EPC2: variants seen among roughly 807,000 people sequenced by gnomAD.
EPC2 encodes enhancer of polycomb 2, also known as enhancer of polycomb homolog 2.
A neutral mutation model predicts 92.1 loss-of-function variants in EPC2; 14 were observed. The observed-to-expected ratio is 0.15, with a 90% CI of 0.10 to 0.24. The LOEUF (loss-of-function observed/expected upper bound fraction) is 0.24. EPC2 is among the 10% of genes least tolerant of loss of function. The pLI is 1.00. For missense variants in EPC2, 755 were observed against 971.5 expected, an observed-to-expected ratio of 0.78 and a Z score of 2.96; for synonymous variants, 340 against 334.7, an observed-to-expected ratio of 1.02 and a Z score of -0.17.
chr2:148,657,313 G>A (rs1249750870), intron 1 of EPC2, among the ~76,000 whole-genome samples: 1 of 152,130 alleles, frequency 6.6e-6, no homozygotes, highest in Non-Finnish European at 1.5e-5. Context: ...CATTATAGGT[G>A]CTTGGTCAGT....
intron 3 of EPC2, among the ~76,000 whole-genome samples, chr2:148,750,234 A>G (rs1048657667): frequency 1.3e-5 from 2 of 152,126 alleles, no homozygotes; most frequent in Admixed American, 6.6e-5. Flanking sequence ...AAATCCTTCT[A>G]AAATAGTCAT....
chr2:148,650,426 C>T (rs932310285), intron 1 of EPC2, among the ~76,000 whole-genome samples: 3 of 152,124 alleles, frequency 2.0e-5, no homozygotes, highest in Non-Finnish European at 2.9e-5. Context: ...AATATAGAAT[C>T]TTTTCACACG....
At chr2:148,693,020 G>A (rs1681673660) in intron 2 of EPC2, among the ~76,000 whole-genome samples, 1 of 151,950 alleles carries the variant, frequency 6.6e-6, no homozygotes, top group African/African-American at 2.4e-5. Context: ...ATTTTTATAT[G>A]TAGTCATTTA....
In EPC2 at chr2:148,647,887, C is replaced by T. The variant is rs376809460; in HGVS notation, c.153+2717C>T. Reference sequence around the variant, plus strand: ...ACTCTTGCTCCACCTGCCTCGGCCTCCCGAAGTGCTGGGATTGCAGGCGTG... The same window carrying T: ...ACTCTTGCTCCACCTGCCTCGGCCTTCCGAAGTGCTGGGATTGCAGGCGTG... On this transcript the variant is annotated intron_variant, in intron 1 of 13. Transcript: ENST00000258484. Among the ~76,000 whole-genome samples, 8 of 152,288 alleles carry T rather than the reference C, an allele frequency of 5.3e-5. No individual in the cohort carries two copies. In the East Asian group the frequency reaches 7.7e-4, roughly 15 times the overall value.
intron 2 of EPC2, among the ~76,000 whole-genome samples, chr2:148,693,197 T>G (rs1297954487): frequency 2.0e-5 from 3 of 152,216 alleles, no homozygotes; most frequent in Non-Finnish European, 4.4e-5. Context: ...TTCAGAAAAT[T>G]TCACTCTGGA....
chr2:148,651,592 G>A (rs1680686572), intron 1 of EPC2, among the ~76,000 whole-genome samples: 1 of 152,154 alleles, frequency 6.6e-6, no homozygotes, highest in African/African-American at 2.4e-5. Flanking sequence ...GACCACTGAA[G>A]TATGATTCTG....
chr2:148,784,718 G>C lies in EPC2; in HGVS notation c.2068G>C (p.Gly690Arg). ...CAATATGGCTTTATCATCCAGCCCA[G>C]GGATTTCAGCTGTACAGCTTGTAAG... ...STNMALSSSP[G>R]ISAVQLVRTV... The change falls in exon 13 of 14, where the codon GGG becomes CGG. Residue 690 changes from glycine to arginine, a missense_variant. Gly to Arg is a moderately radical substitution (Grantham distance 125). Transcript: ENST00000258484. The C allele has an allele frequency of 6.2e-7, 1 of 1,613,460 alleles. No homozygotes were observed. The highest frequency in any genetic ancestry group is 8.5e-7 in the Non-Finnish European group (1 of 1,179,666).
At chr2:148,679,253 T>C (rs956205326) in intron 1 of EPC2, among the ~76,000 whole-genome samples, 1 of 152,212 alleles carries the variant, frequency 6.6e-6, no homozygotes, top group African/African-American at 2.4e-5. Flanking sequence ...ATCTTTATAC[T>C]AACACTCTTC....
intron 2 of EPC2, among the ~76,000 whole-genome samples, chr2:148,725,384 C>T (rs1558821233): frequency 6.6e-6 from 1 of 152,020 alleles, no homozygotes; most frequent in Non-Finnish European, 1.5e-5. Flanking sequence ...CTGTCAGCCT[C>T]TCTTTCTCCT....
intron 1 of EPC2, among the ~76,000 whole-genome samples, chr2:148,659,613 C>T (rs1289006314): frequency 6.6e-6 from 1 of 152,040 alleles, no homozygotes; most frequent in Non-Finnish European, 1.5e-5. Flanking sequence ...TGACTAGGCA[C>T]TCTGGCTTAT....
chr2:148,656,794 A>G (rs959408464), intron 1 of EPC2, among the ~76,000 whole-genome samples: 1 of 152,256 alleles, frequency 6.6e-6, no homozygotes. Context: ...GTAGGAGAGA[A>G]AGGAGTTTTA....
At chr2:148,665,328 A>G (rs1349015927) in intron 1 of EPC2, among the ~76,000 whole-genome samples, 1 of 152,236 alleles carries the variant, frequency 6.6e-6, no homozygotes, top group Non-Finnish European at 1.5e-5. Flanking sequence ...TAATGTTTTT[A>G]AAAGTCAAAT....
At chr2:148,677,608 G>A (rs1276104641) in intron 1 of EPC2, among the ~76,000 whole-genome samples, 1 of 152,180 alleles carries the variant, frequency 6.6e-6, no homozygotes. Context: ...GTGGGTTCTT[G>A]GTCTCACTGA....
intron 1 of EPC2, among the ~76,000 whole-genome samples, chr2:148,651,785 A>G (rs909511353): frequency 3.3e-5 from 5 of 152,158 alleles, no homozygotes; most frequent in African/African-American, 1.2e-4. Flanking sequence ...CACTTTGTTA[A>G]ACTTAATAGA....
At chr2:148,716,430 T>A (rs1315804520) in intron 2 of EPC2, among the ~76,000 whole-genome samples, 1 of 152,218 alleles carries the variant, frequency 6.6e-6, no homozygotes, top group East Asian at 1.9e-4. Flanking sequence ...GTTTCTAACA[T>A]GAAGGGATGT....
At chr2:148,739,810 CTTCCTTTTCTTTT>C (rs1558825693) in intron 2 of EPC2, among the ~76,000 whole-genome samples, 1 of 109,618 alleles carries the variant, frequency 9.1e-6, no homozygotes, top group Non-Finnish European at 1.9e-5. Flanking sequence ...TCTTTTCTTT[CTTCCTTTTCTTTT>C]CTTCTTCTTC....
rs530730899 is a variant in EPC2, at chr2:148,776,810, A to C, written c.1721-4834A>C. Among the ~76,000 whole-genome samples, 28 of 149,010 alleles carry C rather than the reference A, an allele frequency of 1.9e-4. No homozygotes were observed. The South Asian group carries it at 6.2e-3, about 33-fold the overall frequency. On this transcript the variant is annotated intron_variant, in intron 10 of 13. Transcript: ENST00000258484. The stretch of plus-strand genomic sequence containing the variant: ...AGTGGGAGGATGGCTTGAGGCCAGG[A>C]GGTTGAGAACAGCCTGGGCAACATA...
intron 10 of EPC2, among the ~76,000 whole-genome samples, chr2:148,772,562 G>A (rs928720990): frequency 3.3e-5 from 5 of 152,114 alleles, no homozygotes; most frequent in African/African-American, 1.2e-4. Context: ...GACTCGTACA[G>A]TGATTTGTTT....
chr2:148,728,884 T>G (rs1195645982), intron 2 of EPC2, among the ~76,000 whole-genome samples: 1 of 150,676 alleles, frequency 6.6e-6, no homozygotes, highest in African/African-American at 2.4e-5. Flanking sequence ...TACAAAAAAT[T>G]AGCCGGGCAT....
Sources: allele counts gnomAD v4.1 joint callset (sites outside exome capture counted in the v4.1 genomes callset), GRCh38; gene constraint gnomAD v4.1.1; transcripts MANE v1.5; gene names NCBI Gene and HGNC (gene_info 2026-07-23, HGNC 2026-07-21).